The following PIBF1 variants were observed in gnomAD, a reference collection of about 807,000 sequenced individuals.
PIBF1 encodes the protein progesterone-induced-blocking factor 1.
Under a neutral mutation model 112.5 loss-of-function variants are expected in PIBF1, and 90 were observed. The ratio of observed to expected loss-of-function variants is 0.80; its 90% confidence interval spans 0.67 to 0.95. The LOEUF is 0.95. Among genes scored for constraint, PIBF1 ranks in the 40% least tolerant of loss-of-function variants. PIBF1 has a pLI of 0.00. For missense variants in PIBF1, 915 were observed against 852.3 expected (o/e 1.07, Z -0.92); for synonymous variants, 301 against 288.6 (o/e 1.04, Z -0.44).
rs746319387 is a variant in PIBF1 at position 72,917,177 on chromosome 13, T to C, written c.1730+11T>C. 1.3e-6 allele frequency: 2 copies of C among 1,495,182 alleles called. No homozygotes were observed. The highest frequency in any genetic ancestry group is 1.8e-6 in the Non-Finnish European group (2 of 1,099,064). The allele number at this position is 1,495,182 out of a possible 1,614,324, so 92.6% of individuals were successfully genotyped here. Reference sequence around the variant, plus strand: ...ACGACTAAAGCAAAGGTAAAATCAATATATATTTATTTTATTTATCTACTC... The same window carrying C: ...ACGACTAAAGCAAAGGTAAAATCAACATATATTTATTTTATTTATCTACTC... On this transcript the variant is annotated intron_variant, in intron 13 of 17. Coordinates refer to ENST00000326291, the MANE Select transcript of PIBF1 (RefSeq NM_006346.4).
intron 16 of PIBF1, among the ~76,000 whole-genome samples, chr13:72,988,288 C>T (rs920824299): frequency 3.9e-5 from 6 of 152,040 alleles, no homozygotes; most frequent in Non-Finnish European, 8.8e-5. Flanking sequence ...ATTGTAGATA[C>T]TCAGTGAACA....
intron 10 of PIBF1, among the ~76,000 whole-genome samples, chr13:72,860,737 T>G (rs2038656879): frequency 6.6e-6 from 1 of 152,190 alleles, no homozygotes; most frequent in Non-Finnish European, 1.5e-5. Context: ...GAGAAATGTA[T>G]GGAAACGGTG....
chr13:72,961,047 T>A (rs878904119), intron 14 of PIBF1, among the ~76,000 whole-genome samples: 52 of 143,802 alleles, frequency 3.6e-4, no homozygotes, highest in Admixed American at 1.8e-3. Flanking sequence ...TTTTTTTTTT[T>A]AATTTTTTTT....
In PIBF1 at chr13:72,898,158, A is replaced by G. The variant is rs564147430; in HGVS notation, c.1488+4209A>G. On this transcript the variant is annotated intron_variant, in intron 11 of 17. Coordinates refer to ENST00000326291, the MANE Select transcript of PIBF1 (RefSeq NM_006346.4). Reference sequence around the variant, plus strand: ...AAAACTGGAAATCAACTCCAAAAGGAACCTTCAGAATCACACAAATACATG... The same window carrying G: ...AAAACTGGAAATCAACTCCAAAAGGGACCTTCAGAATCACACAAATACATG... Among the ~76,000 whole-genome samples, 10 of 152,284 alleles carry G rather than the reference A, an allele frequency of 6.6e-5. No homozygotes were observed. The South Asian group carries it at 2.1e-3, about 32-fold the overall frequency.
intron 13 of PIBF1, among the ~76,000 whole-genome samples, chr13:72,920,915 A>G (rs192653511): frequency 2.0e-5 from 3 of 152,338 alleles, no homozygotes; most frequent in East Asian, 3.9e-4. Flanking sequence ...ACATCAGCCT[A>G]TACCAAAATA....
At chr13:72,917,217 T>C in intron 13 of PIBF1, 51 bp downstream of exon 13, 1 of 1,096,922 alleles carries the variant, frequency 9.1e-7, no homozygotes, top group Non-Finnish European at 1.3e-6. Context: ...TGAATGTAAT[T>C]ACATTTGTGC....
intron 10 of PIBF1, among the ~76,000 whole-genome samples, chr13:72,856,301 T>C (rs144189218): frequency 1.3e-5 from 2 of 152,308 alleles, no homozygotes; most frequent in East Asian, 3.9e-4. Context: ...CAAGTTGATA[T>C]CTTTCCAACG....
chr13:72,849,949 G>A (rs3782934), intron 9 of PIBF1, among the ~76,000 whole-genome samples: 113,204 of 152,194 alleles, frequency 0.74, 42,487 homozygotes, highest in African/African-American at 0.82. Context: ...AAGTGCTTAG[G>A]ACGGCTTCTG....
chr13:72,998,130 T>C (rs1307050884), intron 16 of PIBF1, among the ~76,000 whole-genome samples: 1 of 152,228 alleles, frequency 6.6e-6, no homozygotes, highest in African/African-American at 2.4e-5. Context: ...ATTCTTTTTC[T>C]CTACCATCTT....
chr13:72,917,771 G>A (rs1215479779), intron 13 of PIBF1, among the ~76,000 whole-genome samples: 3 of 152,106 alleles, frequency 2.0e-5, no homozygotes, highest in Non-Finnish European at 2.9e-5. Context: ...AGTATGTGCC[G>A]ACTTTTTTTC....
chr13:72,887,080 C>G (rs1472490294), intron 10 of PIBF1, among the ~76,000 whole-genome samples: 1 of 144,692 alleles, frequency 6.9e-6, no homozygotes, highest in African/African-American at 2.6e-5. Context: ...TCTGTGGGCT[C>G]TATAATTTTA....
intron 14 of PIBF1, among the ~76,000 whole-genome samples, chr13:72,950,714 G>A (rs1053940350): frequency 2.0e-5 from 3 of 152,156 alleles, no homozygotes; most frequent in Admixed American, 6.5e-5. Flanking sequence ...CCTATTATGG[G>A]CCAGGCATTT....
intron 11 of PIBF1, among the ~76,000 whole-genome samples, chr13:72,895,331 A>AAT (rs1318143834): frequency 2.0e-5 from 3 of 149,318 alleles, no homozygotes; most frequent in African/African-American, 7.3e-5. Flanking sequence ...TATTTAAAAT[A>AAT]ATATATATAA....
At chr13:72,822,322 G>C (rs1174099631) in intron 6 of PIBF1, among the ~76,000 whole-genome samples, 3 of 150,400 alleles carry the variant, frequency 2.0e-5, no homozygotes, top group Non-Finnish European at 3.0e-5. Context: ...TTTTTCAGCT[G>C]TTTCTTCCTG....
intron 17 of PIBF1, among the ~76,000 whole-genome samples, chr13:73,012,630 C>A (rs537668240): frequency 6.6e-6 from 1 of 151,620 alleles, no homozygotes; most frequent in Non-Finnish European, 1.5e-5. Flanking sequence ...TGGTGCACAC[C>A]TGTGGTCCCA....
At chr13:72,853,848 G>C (rs2038286222) in intron 9 of PIBF1, among the ~76,000 whole-genome samples, 1 of 152,108 alleles carries the variant, frequency 6.6e-6, no homozygotes, top group African/African-American at 2.4e-5. Flanking sequence ...GGAGAAGGGT[G>C]GTGTGACATA....
At chr13:72,892,483 T>C (rs1192339937) in intron 10 of PIBF1, among the ~76,000 whole-genome samples, 1 of 152,088 alleles carries the variant, frequency 6.6e-6, no homozygotes, top group Non-Finnish European at 1.5e-5. Flanking sequence ...CATTTTAAAG[T>C]TTATCTTACC....
chr13:72,878,556 C>T (rs867846166), intron 10 of PIBF1, among the ~76,000 whole-genome samples: 1 of 152,088 alleles, frequency 6.6e-6, no homozygotes, highest in African/African-American at 2.4e-5. Flanking sequence ...GCCTGGGATG[C>T]AGTCTGTCTT....
intron 5 of PIBF1, among the ~76,000 whole-genome samples, chr13:72,798,965 G>A (rs940969203): frequency 6.6e-6 from 1 of 152,170 alleles, no homozygotes; most frequent in Non-Finnish European, 1.5e-5. Context: ...ACTGATACTA[G>A]CATTAACCCC....
Sources: allele counts gnomAD v4.1 joint callset (sites outside exome capture counted in the v4.1 genomes callset), GRCh38; gene constraint gnomAD v4.1.1; transcripts MANE v1.5; gene names NCBI Gene and HGNC (gene_info 2026-07-23, HGNC 2026-07-21).